PTPN4: variants seen among roughly 807,000 people sequenced by gnomAD.
PTPN4 encodes the protein protein tyrosine phosphatase non-receptor type 4.
PTPN4 carries 49 observed loss-of-function variants against 135.5 expected under a neutral mutation model. The ratio of observed to expected loss-of-function variants is 0.36; its 90% CI spans 0.29 to 0.46. The LOEUF (loss-of-function observed/expected upper bound fraction) is 0.46. Among genes scored for constraint, PTPN4 ranks in the 20% least tolerant of loss-of-function variants. The pLI is 1.00. For missense variants in PTPN4, 860 were observed against 1,101.0 expected, an observed-to-expected ratio of 0.78 and a Z score of 3.10; for synonymous variants, 333 against 369.9, an observed-to-expected ratio of 0.90 and a Z score of 1.14.
chr2:119,842,821 TCTTTTATA>T (rs1218020499), intron 2 of PTPN4, among the ~76,000 whole-genome samples: 1 of 152,154 alleles, frequency 6.6e-6, no homozygotes, highest in African/African-American at 2.4e-5. Flanking sequence ...CATCTACAGA[TCTTTTATA>T]GCTATCACCA....
chr2:119,800,943 G>A (rs1691350978), intron 1 of PTPN4, among the ~76,000 whole-genome samples: 1 of 151,908 alleles, frequency 6.6e-6, no homozygotes, highest in Non-Finnish European at 1.5e-5. Flanking sequence ...CAACAGTCTT[G>A]ATAAATGTAG....
chr2:119,852,556 T>C lies in PTPN4; in HGVS notation c.139-9980T>C, dbSNP rs946312370. Among the ~76,000 whole-genome samples the C allele has an allele frequency of 2.0e-5, 3 of 152,364 alleles. No individual in the cohort carries two copies. The East Asian group carries it at 5.8e-4, about 29-fold the overall frequency. On this transcript the variant is annotated intron_variant, in intron 2 of 26. Coordinates refer to ENST00000263708, the MANE Select transcript of PTPN4 (RefSeq NM_002830.4). ...TTTTTTCCCCTTTTTATTTTAGTCT[T>C]GTTTGAGGTTTGTTAATTTCATTGA...
chr2:119,760,575 T>G (rs957147371), intron 1 of PTPN4, among the ~76,000 whole-genome samples, 191 bp downstream of exon 1: 4 of 152,150 alleles, frequency 2.6e-5, no homozygotes, highest in African/African-American at 9.7e-5. Context: ...TTTCCTTTCT[T>G]CCTGGGACCT....
At position 119,828,267 on chromosome 2, in the gene PTPN4, A is replaced by G. The variant is rs547890403; in HGVS notation, c.138+18276A>G. On this transcript the variant is annotated intron_variant, in intron 2 of 26. Coordinates refer to ENST00000263708, the MANE Select transcript of PTPN4 (RefSeq NM_002830.4). Reference sequence around the variant, plus strand: ...ATTCAATCAAACTTCTGATGACTTTACTATCTGCTGTCTAACTGTAGCCAC... The same window carrying G: ...ATTCAATCAAACTTCTGATGACTTTGCTATCTGCTGTCTAACTGTAGCCAC... Among the ~76,000 whole-genome samples, 148 of 152,316 alleles carry G rather than the reference A, an allele frequency of 9.7e-4. 3 individuals are homozygous for G. The South Asian group carries it at 0.029, about 30-fold the overall frequency.
chr2:119,959,965 T>C (rs1192997016), intron 22 of PTPN4, among the ~76,000 whole-genome samples: 2 of 152,102 alleles, frequency 1.3e-5, no homozygotes, highest in Admixed American at 6.6e-5. Flanking sequence ...ATCTTGAAGA[T>C]GAAGTAAAAA....
In PTPN4 at chr2:119,944,635, C is replaced by CTGAA. The variant is rs1180992718; in HGVS notation, c.1356-445_1356-444insGAAT. ...CCTCACTGCATCATTGAATTCATTA[C>CTGAA]TTCCATGAATCGTATTTTATTTCTA... On this transcript the variant is annotated intron_variant, in intron 15 of 26. Transcript: ENST00000263708. 3.3e-5 allele frequency among the ~76,000 whole-genome samples: 5 copies of CTGAA among 152,268 alleles called. No homozygotes were observed. In the East Asian group the frequency reaches 7.7e-4, roughly 24 times the overall value.
At chr2:119,883,785 A>G (rs1015963270) in intron 8 of PTPN4, among the ~76,000 whole-genome samples, 2 of 152,352 alleles carry the variant, frequency 1.3e-5, no homozygotes, top group Middle Eastern at 3.4e-3. Flanking sequence ...GTTTATATAC[A>G]TAAGGTTCTC....
intron 25 of PTPN4, among the ~76,000 whole-genome samples, chr2:119,966,779 ACAG>A (rs1429611603): frequency 6.6e-6 from 1 of 152,182 alleles, no homozygotes; most frequent in African/African-American, 2.4e-5. Flanking sequence ...CTTTAAGTAA[ACAG>A]CAGGCTACTC....
At chr2:119,810,047 CA>C in intron 2 of PTPN4, 56 bp downstream of exon 2, 4 of 1,515,882 alleles carry the variant, frequency 2.6e-6, no homozygotes, top group Non-Finnish European at 2.7e-6. Flanking sequence ...TGAATTTAGA[CA>C]TATATGTAAA....
intron 2 of PTPN4, among the ~76,000 whole-genome samples, chr2:119,838,567 G>A (rs780755115): frequency 4.0e-4 from 61 of 152,242 alleles, no homozygotes; most frequent in Non-Finnish European, 8.2e-4. Flanking sequence ...CTTTTGCCTG[G>A]CAGTTGTTAT....
In PTPN4 at chr2:119,807,709, T is replaced by A. The variant is rs139284763; in HGVS notation, c.-17-2128T>A. Among the ~76,000 whole-genome samples the A allele has an allele frequency of 7.3e-3, 1,117 of 152,278 alleles. 4 individuals carry two copies. The highest frequency in any genetic ancestry group is 0.013 in the Non-Finnish European group (863 of 68,016). ...CAATCAATAGAAAAAGAGAGAATCC[T>A]CCCTAACTCATTTTATGAGGCCAGC... is the stretch of plus-strand genomic sequence containing the variant. On this transcript the variant is annotated intron_variant, in intron 1 of 26. Transcript: ENST00000263708.
chr2:119,778,830 G>C (rs1247376834), intron 1 of PTPN4, among the ~76,000 whole-genome samples: 1 of 152,158 alleles, frequency 6.6e-6, no homozygotes, highest in Non-Finnish European at 1.5e-5. Flanking sequence ...TGAAAATGCT[G>C]TCTGTACATC....
intron 2 of PTPN4, among the ~76,000 whole-genome samples, chr2:119,843,485 G>C (rs1336325703): frequency 3.9e-5 from 5 of 128,566 alleles, no homozygotes; most frequent in Non-Finnish European, 8.2e-5. Context: ...ATCCTGGCCC[G>C]TTCTCAATGA....
rs748970738 is a variant in PTPN4 at position 119,934,946 on chromosome 2, T to A, written c.1343T>A (p.Leu448Gln). 2.5e-6 allele frequency: 4 copies of A among 1,612,142 alleles called. No individual in the cohort carries two copies. The South Asian group carries it at 4.4e-5, about 18-fold the overall frequency. The change falls in exon 15 of 27, where the codon CTG (leucine) becomes CAG (glutamine). Residue 448 changes from leucine to glutamine, a missense_variant. Transcript: ENST00000263708. The part of the protein sequence containing the change: ...PSSTQANSIV[L>Q]ESSPSQETPG... ...TCAACACAAGCTAATAGCATTGTTCTGGAATCATCACCGTAAGAGCTTTTT... is the reference window on the plus strand; with the variant it reads ...TCAACACAAGCTAATAGCATTGTTCAGGAATCATCACCGTAAGAGCTTTTT...
chr2:119,925,514 T>C (rs904628603), intron 12 of PTPN4, among the ~76,000 whole-genome samples: 1 of 152,162 alleles, frequency 6.6e-6, no homozygotes, highest in African/African-American at 2.4e-5. Flanking sequence ...GAAGTAGGAA[T>C]GGGAGAACTT....
intron 9 of PTPN4, among the ~76,000 whole-genome samples, chr2:119,895,222 T>G (rs552196714): frequency 6.6e-6 from 1 of 152,284 alleles, no homozygotes; most frequent in South Asian, 2.1e-4. Context: ...ATTAAGAAAA[T>G]TAACGGCTGT....
chr2:119,912,499 G>C (rs977726899), intron 10 of PTPN4, among the ~76,000 whole-genome samples: 1 of 152,128 alleles, frequency 6.6e-6, no homozygotes, highest in Non-Finnish European at 1.5e-5. Flanking sequence ...ATAATGATGA[G>C]CCTAGCTGCT....
chr2:119,851,509 A>T (rs1677590833), intron 2 of PTPN4, among the ~76,000 whole-genome samples: 4 of 152,188 alleles, frequency 2.6e-5, no homozygotes, highest in Admixed American at 2.6e-4. Flanking sequence ...TTCTTTCCTT[A>T]CGGTGGGCTG....
intron 12 of PTPN4, among the ~76,000 whole-genome samples, chr2:119,925,698 T>C (rs1349519406): frequency 6.6e-6 from 1 of 152,220 alleles, no homozygotes; most frequent in East Asian, 1.9e-4. Context: ...TGGAGAATAC[T>C]GGAACTGTTG....
Sources: allele counts gnomAD v4.1 joint callset (sites outside exome capture counted in the v4.1 genomes callset), GRCh38; gene constraint gnomAD v4.1.1; transcripts MANE v1.5; gene names NCBI Gene and HGNC (gene_info 2026-07-23, HGNC 2026-07-21).